Variants in RGS6 observed in about 807,000 individuals in gnomAD.
The protein encoded by RGS6 is regulator of G protein signaling 6.
RGS6 carries 30 observed loss-of-function variants against 78.5 expected under a neutral mutation model. The ratio of observed to expected loss-of-function variants is 0.38; its 90% CI spans 0.29 to 0.52. The LOEUF is 0.52. Ranked by LOEUF, RGS6 falls within the 20% of genes least tolerant of loss-of-function variation. The pLI, the probability that RGS6 is intolerant of heterozygous loss-of-function variation, is 0.85. For missense variants in RGS6, 495 were observed against 609.7 expected, an observed-to-expected ratio of 0.81 and a Z score of 1.98; for synonymous variants, 206 against 206.0, an observed-to-expected ratio of 1.00 and a Z score of 0.00.
intron 9 of RGS6, 89 bp downstream of exon 9, chr14:72,473,042 G>A (rs2096128585): frequency 1.2e-6 from 1 of 849,732 alleles, no homozygotes; most frequent in African/African-American, 1.8e-5. Flanking sequence ...TTAGCCACCA[G>A]GTGTCTCATT....
intron 2 of RGS6, among the ~76,000 whole-genome samples, chr14:72,199,401 A>G (rs1048691155): frequency 2.0e-5 from 3 of 152,244 alleles, no homozygotes; most frequent in Admixed American, 6.5e-5. Context: ...TTTTGTGTAC[A>G]TTGATGCAAC....
At chr14:71,899,152 A>T in the RGS6 span, among the ~76,000 whole-genome samples, 1 of 152,324 alleles carries the variant, frequency 6.6e-6, no homozygotes, top group Non-Finnish European at 1.5e-5. Flanking sequence ...AAAAATATTT[A>T]AAAACCACAC....
chr14:72,062,064 G>A (rs2215017), intron 2 of RGS6, among the ~76,000 whole-genome samples: 33,037 of 152,176 alleles, frequency 0.22, 3,678 homozygotes, highest in Admixed American at 0.27. Flanking sequence ...TAAAGACAAA[G>A]CAGAGAAATG....
the RGS6 span, among the ~76,000 whole-genome samples, chr14:71,888,289 G>A: frequency 6.6e-6 from 1 of 151,982 alleles, no homozygotes; most frequent in African/African-American, 2.4e-5. Context: ...TTAGCCAGGT[G>A]TGGTGGTGGG....
chr14:72,483,823 G>A (rs1004412083), intron 12 of RGS6, among the ~76,000 whole-genome samples: 2 of 152,132 alleles, frequency 1.3e-5, no homozygotes, highest in African/African-American at 4.8e-5. Flanking sequence ...CTGGCCTGGT[G>A]TAAGCTCTTC....
At chr14:72,180,410 C>T (rs2097159108) in intron 2 of RGS6, among the ~76,000 whole-genome samples, 1 of 152,172 alleles carries the variant, frequency 6.6e-6, no homozygotes, top group South Asian at 2.1e-4. Context: ...ATGGCTCACT[C>T]CAAACTTTAT....
intron 2 of RGS6, among the ~76,000 whole-genome samples, chr14:72,027,255 G>A (rs2090056449): frequency 6.6e-6 from 1 of 152,082 alleles, no homozygotes; most frequent in Admixed American, 6.6e-5. Context: ...GTGCATGTGT[G>A]TATAATATAC....
At chr14:72,233,081 T>A (rs1418340185) in intron 2 of RGS6, among the ~76,000 whole-genome samples, 2 of 152,202 alleles carry the variant, frequency 1.3e-5, no homozygotes, top group Non-Finnish European at 2.9e-5. Flanking sequence ...CCTGAATGTA[T>A]ACCAGGTGTA....
intron 1 of RGS6, among the ~76,000 whole-genome samples, chr14:71,948,098 G>A (rs1238776697): frequency 6.6e-6 from 1 of 152,208 alleles, no homozygotes; most frequent in East Asian, 1.9e-4. Context: ...CTTAGATGAT[G>A]TGGTCAGCAC....
At chr14:72,526,392 A>G (rs2097121453) in intron 15 of RGS6, among the ~76,000 whole-genome samples, 1 of 152,114 alleles carries the variant, frequency 6.6e-6, no homozygotes, top group South Asian at 2.1e-4. Context: ...GGCATGAGCC[A>G]CTGCGCCTGG....
At chr14:72,269,445 A>AT (rs1216144795) in intron 2 of RGS6, among the ~76,000 whole-genome samples, 1 of 152,106 alleles carries the variant, frequency 6.6e-6, no homozygotes, top group Admixed American at 6.5e-5. Context: ...TTGAATAGTC[A>AT]GGGCCTTTGC....
At chr14:72,589,171 T>TA in the RGS6 span, among the ~76,000 whole-genome samples, 18 of 128,090 alleles carry the variant, frequency 1.4e-4, no homozygotes, top group Non-Finnish European at 2.0e-4. Flanking sequence ...AATCAGTGTT[T>TA]AAAAAAAATA....
intron 17 of RGS6, among the ~76,000 whole-genome samples, chr14:72,557,609 C>T (rs1048429127): frequency 1.3e-5 from 2 of 152,186 alleles, no homozygotes; most frequent in African/African-American, 4.8e-5. Context: ...CCTTTATGAA[C>T]TTGAGCACCA....
At chr14:71,974,597 T>A (rs1240808995) in intron 2 of RGS6, among the ~76,000 whole-genome samples, 1 of 152,218 alleles carries the variant, frequency 6.6e-6, no homozygotes, top group African/African-American at 2.4e-5. Flanking sequence ...GAAAGTGAGA[T>A]GGCTACTGAC....
chr14:72,027,873 T>A (rs1596304162), intron 2 of RGS6, among the ~76,000 whole-genome samples: 1 of 152,226 alleles, frequency 6.6e-6, no homozygotes, highest in Non-Finnish European at 1.5e-5. Flanking sequence ...TTTATCTCTT[T>A]TGCACAGTTG....
downstream of RGS6, among the ~76,000 whole-genome samples, chr14:72,570,579 C>T (rs1247403010): frequency 6.6e-6 from 1 of 152,198 alleles, no homozygotes; most frequent in Non-Finnish European, 1.5e-5. Flanking sequence ...TCCAGGTTGA[C>T]CGGCTCCTAC....
intron 16 of RGS6, chr14:72,537,441 T>G (rs1438249223): frequency 1.4e-6 from 1 of 701,802 alleles, no homozygotes; most frequent in Non-Finnish European, 2.6e-6. Flanking sequence ...GGCCATGGAG[T>G]CTGAGAAAGG....
intron 3 of RGS6, among the ~76,000 whole-genome samples, chr14:72,447,547 A>G (rs1349308858): frequency 2.0e-5 from 3 of 152,196 alleles, no homozygotes; most frequent in Non-Finnish European, 4.4e-5. Flanking sequence ...AGCCACGCAG[A>G]TGACTGGGTT....
chr14:72,062,627 C>A (rs1025495086), intron 2 of RGS6, among the ~76,000 whole-genome samples: 4 of 152,142 alleles, frequency 2.6e-5, no homozygotes, highest in African/African-American at 9.7e-5. Context: ...GGACTTTGGC[C>A]TGAGCATCTG....
Sources: gnomAD v4.1 joint callset for allele counts (sites outside exome capture counted in the v4.1 genomes callset) on GRCh38, gnomAD v4.1.1 for gene constraint, MANE v1.5 for transcripts, NCBI Gene and HGNC (gene_info 2026-07-23, HGNC 2026-07-21) for gene names.